CCDC102B: variants seen among roughly 807,000 people sequenced by gnomAD.
The protein encoded by CCDC102B is coiled-coil domain containing 102B.
CCDC102B carries 75 observed loss-of-function variants against 57.4 expected under a neutral mutation model. That is an observed-to-expected ratio of 1.31 (90% CI 1.08 to 1.58). The LOEUF (loss-of-function observed/expected upper bound fraction) is 1.58. Ranked by LOEUF, CCDC102B falls within the 40% of genes most tolerant of loss-of-function variation. The probability of loss-of-function intolerance (pLI) is 0.00; values close to 1 mark genes in which losing one functional copy is unlikely to be tolerated. For synonymous variants in CCDC102B, 206 were observed against 201.9 expected, an observed-to-expected ratio of 1.02 and a Z score of -0.17; for missense variants, 636 against 582.6, an observed-to-expected ratio of 1.09 and a Z score of -0.94.
intron 4 of CCDC102B, among the ~76,000 whole-genome samples, chr18:68,849,825 T>C (rs2038043388): frequency 6.6e-6 from 1 of 152,108 alleles, no homozygotes; most frequent in Non-Finnish European, 1.5e-5. Flanking sequence ...AGGTGATTAC[T>C]GTTGACTCAC....
intron 6 of CCDC102B, among the ~76,000 whole-genome samples, chr18:68,969,854 T>A (rs1862697848): frequency 6.6e-6 from 1 of 152,124 alleles, no homozygotes; most frequent in South Asian, 2.1e-4. Context: ...AAGCATGTAA[T>A]CAGAAATATT....
intron 6 of CCDC102B, among the ~76,000 whole-genome samples, chr18:68,986,075 G>T (rs911196913): frequency 1.3e-5 from 2 of 152,046 alleles, no homozygotes; most frequent in South Asian, 4.1e-4. Flanking sequence ...TCAAAACCAA[G>T]AAAATTTAAA....
intron 7 of CCDC102B, among the ~76,000 whole-genome samples, chr18:69,017,044 T>A (rs987158887): frequency 2.0e-5 from 3 of 152,042 alleles, no homozygotes; most frequent in African/African-American, 7.2e-5. Flanking sequence ...AAGGGTTTAA[T>A]CTCTCATCTT....
intron 6 of CCDC102B, among the ~76,000 whole-genome samples, chr18:68,926,879 G>C (rs576943688): frequency 1.3e-5 from 2 of 152,024 alleles, no homozygotes; most frequent in Admixed American, 6.6e-5. Context: ...TCTAAATAAA[G>C]ATTTACAAAT....
chr18:69,018,669 A>G (rs1342522338), intron 7 of CCDC102B, among the ~76,000 whole-genome samples: 5 of 152,166 alleles, frequency 3.3e-5, no homozygotes, highest in African/African-American at 7.2e-5. Context: ...GAATTTTAAT[A>G]TGAACCCTTT....
At chr18:68,748,205 GGTGTGTGTGTGTGTGTGTGTGT>G (rs5825872) in intron 2 of CCDC102B, among the ~76,000 whole-genome samples, 19 of 137,598 alleles carry the variant, frequency 1.4e-4, no homozygotes, top group East Asian at 7.3e-4. Flanking sequence ...TTATTAAACT[GGTGTGTGTGTGTGTGTGTGTGT>G]GTGTGTGTGT....
At chr18:69,055,851 G>A (rs545785228), downstream of CCDC102B, among the ~76,000 whole-genome samples, 21 of 152,104 alleles carry the variant, frequency 1.4e-4, no homozygotes, top group South Asian at 2.3e-3. Flanking sequence ...TTGCTCATCC[G>A]ACAATCTCAG....
chr18:68,941,104 C>T (rs1431559387), intron 6 of CCDC102B, among the ~76,000 whole-genome samples: 1 of 145,536 alleles, frequency 6.9e-6, no homozygotes, highest in Non-Finnish European at 1.5e-5. Context: ...TTGCATAAAA[C>T]TAAAATCACC....
chr18:68,899,013 G>A (rs2040341737), intron 6 of CCDC102B, among the ~76,000 whole-genome samples: 1 of 152,044 alleles, frequency 6.6e-6, no homozygotes, highest in Non-Finnish European at 1.5e-5. Context: ...GGACTAAGCA[G>A]AACTTGGAAA....
At chr18:68,751,972 C>T (rs548822098) in intron 2 of CCDC102B, among the ~76,000 whole-genome samples, 14 of 152,142 alleles carry the variant, frequency 9.2e-5, no homozygotes, top group Middle Eastern at 3.4e-3. Flanking sequence ...AAGACAGAAA[C>T]GCATCAAGGT....
In CCDC102B at chr18:68,971,585, A is replaced by G. The variant is rs551424104; in HGVS notation, c.1264-39349A>G. ...TTAATCTGCCCCTTTAGGTAAGGGG[A>G]AAGGGAAATCACAAGATAACATTAA... is the stretch of plus-strand genomic sequence containing the variant. On this transcript the variant is annotated intron_variant, in intron 6 of 7. Transcript: ENST00000360242. 4.6e-5 allele frequency among the ~76,000 whole-genome samples: 7 copies of G among 152,238 alleles called. No individual in the cohort carries two copies. The East Asian group carries it at 1.4e-3, about 29-fold the overall frequency.
intron 3 of CCDC102B, among the ~76,000 whole-genome samples, chr18:68,844,164 T>C (rs1170550647): frequency 6.6e-6 from 1 of 151,936 alleles, no homozygotes; most frequent in Non-Finnish European, 1.5e-5. Flanking sequence ...TGAAAATTTT[T>C]GAATTTGAAT....
chr18:68,827,040 T>C (rs1014996396), intron 1 of CCDC102B, among the ~76,000 whole-genome samples: 7 of 151,976 alleles, frequency 4.6e-5, no homozygotes, highest in Non-Finnish European at 1.0e-4. Flanking sequence ...TTTTAAGTGT[T>C]GAAAAAAAAA....
chr18:68,733,037 G>A (rs1344683421), intron 2 of CCDC102B, among the ~76,000 whole-genome samples: 2 of 152,090 alleles, frequency 1.3e-5, no homozygotes, highest in Non-Finnish European at 2.9e-5. Context: ...TAAGGCTAGA[G>A]CGACTCAGAG....
chr18:68,791,156 T>C (rs115377371), intron 2 of CCDC102B, among the ~76,000 whole-genome samples: 1 of 152,312 alleles, frequency 6.6e-6, no homozygotes. Flanking sequence ...ATTAGTTCTG[T>C]CTTGAAAGAG....
At chr18:68,840,212 C>T (rs1764230874) in intron 3 of CCDC102B, among the ~76,000 whole-genome samples, 2 of 151,790 alleles carry the variant, frequency 1.3e-5, no homozygotes, top group African/African-American at 4.8e-5. Context: ...ATAGGCAGAA[C>T]CAGAAAAGCA....
intron 7 of CCDC102B, among the ~76,000 whole-genome samples, chr18:69,049,147 C>T (rs1016763469): frequency 5.3e-5 from 8 of 151,854 alleles, no homozygotes; most frequent in Admixed American, 1.3e-4. Flanking sequence ...CCCATCAACC[C>T]GTCATCTACA....
At chr18:69,043,010 G>A (rs911862456) in intron 7 of CCDC102B, among the ~76,000 whole-genome samples, 13 of 152,094 alleles carry the variant, frequency 8.5e-5, no homozygotes, top group African/African-American at 2.9e-4. Context: ...CAGCCTCTGA[G>A]TTCCCTTAGT....
At chr18:68,880,727 A>C (rs535492345) in intron 5 of CCDC102B, among the ~76,000 whole-genome samples, 1 of 152,360 alleles carries the variant, frequency 6.6e-6, no homozygotes, top group East Asian at 1.9e-4. Context: ...CTGCATTTGA[A>C]TATTTAAGCA....
Sources: gnomAD v4.1 joint callset for allele counts (sites outside exome capture counted in the v4.1 genomes callset) on GRCh38, gnomAD v4.1.1 for gene constraint, MANE v1.5 for transcripts, NCBI Gene and HGNC (gene_info 2026-07-23, HGNC 2026-07-21) for gene names.